CDC14A: variants seen among roughly 807,000 people sequenced by gnomAD.
CDC14A encodes the protein cell division cycle 14A.
A neutral mutation model predicts 74.4 loss-of-function variants in CDC14A; 53 were observed. That is an observed-to-expected ratio of 0.71 (90% confidence interval 0.57 to 0.89). The LOEUF (loss-of-function observed/expected upper bound fraction) is 0.89. CDC14A is among the 40% of genes least tolerant of loss of function. The pLI is 0.00. For synonymous variants in CDC14A, 247 were observed against 258.4 expected (o/e 0.96, Z 0.43); for missense variants, 646 against 713.7 (o/e 0.91, Z 1.08).
chr1:100,425,608 A>G (rs976935241), intron 5 of CDC14A, among the ~76,000 whole-genome samples: 7 of 152,184 alleles, frequency 4.6e-5, no homozygotes, highest in African/African-American at 1.7e-4. Context: ...AAGTGAAGTC[A>G]AGGAGTAAGG....
chr1:100,438,115 GTTA>G (rs1475991787), intron 5 of CDC14A, among the ~76,000 whole-genome samples: 1 of 151,850 alleles, frequency 6.6e-6, no homozygotes, highest in Non-Finnish European at 1.5e-5. Context: ...ATCACTTACA[GTTA>G]TTATTTCTTA....
chr1:100,456,834 C>T (rs1050989715), intron 8 of CDC14A, among the ~76,000 whole-genome samples: 11 of 152,066 alleles, frequency 7.2e-5, no homozygotes, highest in African/African-American at 2.7e-4. Flanking sequence ...CAATCCAGGT[C>T]TAGAGAGTTA....
rs371254353 is a variant in CDC14A at position 100,488,359 on chromosome 1, T to C, written c.1137+3908T>C. Among the ~76,000 whole-genome samples, 37 of 152,222 alleles carry C rather than the reference T, an allele frequency of 2.4e-4. No homozygotes were observed. In the South Asian group the frequency reaches 5.0e-3, roughly 21 times the overall value. Reference sequence around the variant, plus strand: ...TAGAGGTCAAACCATCTGGCCAAGATCTTGGGTACATGGTGAGGTGGTCAT... The same window carrying C: ...TAGAGGTCAAACCATCTGGCCAAGACCTTGGGTACATGGTGAGGTGGTCAT... On this transcript the variant is annotated intron_variant, in intron 11 of 15. Transcript: ENST00000336454.
Position 100,490,019 on chromosome 1 carries a change from A to G in CDC14A, c.1138-4799A>G, listed in dbSNP as rs116169099. ...AGTCATCATGAAGAATGAATCTGGT[A>G]TAAGGAAGGAGGCCTAACAGCACCT... On this transcript the variant is annotated intron_variant, in intron 11 of 15. Transcript: ENST00000336454. Among the ~76,000 whole-genome samples the G allele has an allele frequency of 2.5e-3, 379 of 152,342 alleles. 2 individuals carry two copies. The highest frequency in any genetic ancestry group is 8.2e-3 in the African/African-American group (339 of 41,574).
Position 100,390,812 on chromosome 1 carries a change from A to G in CDC14A, c.297A>G (p.Ile99Met), listed in dbSNP as rs752058562. ...QRKRANAAFL[I>M]GAYAVIYLKK... ...AAAGAGCAAATGCAGCATTTTTGAT[A>G]GGTGCCTATGCAGTAAGTACCTTCT... The change falls in exon 4 of 16, where the codon ATA becomes ATG. Residue 99 changes from isoleucine to methionine, a missense_variant. Ile to Met is a conservative substitution (Grantham distance 10, BLOSUM62 1). Coordinates refer to ENST00000336454, the MANE Select transcript of CDC14A (RefSeq NM_003672.4). 1 of 1,609,536 alleles carries G rather than the reference A, an allele frequency of 6.2e-7. No homozygotes were observed. The highest frequency in any genetic ancestry group is 1.7e-5 in the Admixed American group (1 of 60,006).
At chr1:100,454,886 C>G (rs1666525577) in intron 7 of CDC14A, among the ~76,000 whole-genome samples, 1 of 151,972 alleles carries the variant, frequency 6.6e-6, no homozygotes, top group African/African-American at 2.4e-5. Context: ...AATGGATGCG[C>G]CAATATCACT....
chr1:100,392,958 T>G, intron 4 of CDC14A: 1 of 976,750 alleles, frequency 1.0e-6, no homozygotes, highest in South Asian at 1.6e-5. Context: ...GAAGTTGCTG[T>G]TGTCCTTAAC....
chr1:100,409,004 G>C (rs1660318008), intron 4 of CDC14A, among the ~76,000 whole-genome samples: 1 of 151,990 alleles, frequency 6.6e-6, no homozygotes, highest in African/African-American at 2.4e-5. Flanking sequence ...CCCTGTATTA[G>C]TCCTTTTTCA....
chr1:100,379,838 G>A (rs1655825904), intron 3 of CDC14A, among the ~76,000 whole-genome samples: 1 of 152,120 alleles, frequency 6.6e-6, no homozygotes. Context: ...CATATGGCAA[G>A]AGAGGGAGCA....
At chr1:100,434,345 G>GT (rs1664068204) in intron 5 of CDC14A, among the ~76,000 whole-genome samples, 1 of 152,202 alleles carries the variant, frequency 6.6e-6, no homozygotes, top group African/African-American at 2.4e-5. Flanking sequence ...GAAGAGCCCA[G>GT]TGGCTACTGG....
Position 100,359,854 on chromosome 1 carries a change from G to C in CDC14A, c.140+6002G>C, listed in dbSNP as rs899312306. 5.3e-5 allele frequency among the ~76,000 whole-genome samples: 8 copies of C among 151,138 alleles called. 1 individual carries two copies. Among genetic ancestry groups the C allele is most frequent in the Admixed American group, 4.0e-4 (6 of 15,170 alleles). ...AAAACTGTTTACTTTCTAAAAGATG[G>C]TAGTTTATAGTTTCTTCCCCCCTTT... On this transcript the variant is annotated intron_variant, in intron 2 of 15. Transcript: ENST00000336454.
chr1:100,503,424 G>A (rs1008231587), intron 15 of CDC14A, among the ~76,000 whole-genome samples: 1 of 152,228 alleles, frequency 6.6e-6, no homozygotes, highest in African/African-American at 2.4e-5. Context: ...TGGGTATTTA[G>A]AGGGAATCTA....
intron 15 of CDC14A, chr1:100,499,500 A>T: frequency 1.1e-5 from 14 of 1,301,544 alleles, no homozygotes; most frequent in South Asian, 5.7e-5. Context: ...CTTACCCCCA[A>T]CTCCTTTTTA....
intron 4 of CDC14A, among the ~76,000 whole-genome samples, chr1:100,404,974 A>C (rs890673989): frequency 6.6e-6 from 1 of 152,238 alleles, no homozygotes; most frequent in African/African-American, 2.4e-5. Flanking sequence ...TTTGTGGTTC[A>C]TAGTTTCAAA....
intron 4 of CDC14A, among the ~76,000 whole-genome samples, chr1:100,419,010 G>A (rs531476135): frequency 2.0e-5 from 3 of 152,068 alleles, no homozygotes; most frequent in African/African-American, 4.8e-5. Flanking sequence ...CATGGTGAAG[G>A]CCTGTCTCTA....
chr1:100,387,010 A>G lies in CDC14A; in HGVS notation c.217-3722A>G, dbSNP rs1342894001. On this transcript the variant is annotated intron_variant, in intron 3 of 15. Transcript: ENST00000336454. Reference sequence around the variant, plus strand: ...TAAAATTTGAGAGGAAAAAACATTAAAGAGTTTTTTTTTTTTAAATCAGCC... The same window carrying G: ...TAAAATTTGAGAGGAAAAAACATTAGAGAGTTTTTTTTTTTTAAATCAGCC... Among the ~76,000 whole-genome samples the G allele has an allele frequency of 3.4e-5, 5 of 147,830 alleles. No individual in the cohort carries two copies. The East Asian group carries it at 5.8e-4, about 17-fold the overall frequency.
chr1:100,500,722 G>C (rs1285544204), intron 15 of CDC14A, among the ~76,000 whole-genome samples: 2 of 122,226 alleles, frequency 1.6e-5, no homozygotes, highest in Non-Finnish European at 3.2e-5. Context: ...CGGCACTCCA[G>C]CTGGGTGACA....
intron 2 of CDC14A, among the ~76,000 whole-genome samples, chr1:100,364,458 C>A: frequency 6.6e-6 from 1 of 151,086 alleles, no homozygotes; most frequent in East Asian, 1.9e-4. Context: ...GTGATCCGCC[C>A]GCCTCGGCCT....
intron 7 of CDC14A, among the ~76,000 whole-genome samples, chr1:100,454,343 G>C (rs1247992475): frequency 1.3e-5 from 2 of 152,136 alleles, no homozygotes; most frequent in Non-Finnish European, 2.9e-5. Flanking sequence ...GAGACAAGGA[G>C]GGCAAGGGTA....
Sources: gnomAD v4.1 joint callset for allele counts (sites outside exome capture counted in the v4.1 genomes callset) on GRCh38, gnomAD v4.1.1 for gene constraint, MANE v1.5 for transcripts, NCBI Gene and HGNC (gene_info 2026-07-23, HGNC 2026-07-21) for gene names.